NUDCD1: variants seen among roughly 807,000 people sequenced by gnomAD.
NUDCD1 encodes nudC domain-containing protein 1.
NUDCD1 carries 60 observed loss-of-function variants against 67.8 expected under a neutral mutation model. That is an observed-to-expected ratio of 0.88 (90% confidence interval 0.72 to 1.10). The LOEUF is 1.10. Among genes scored for constraint, NUDCD1 ranks in the 50% least tolerant of loss-of-function variants. The pLI, the probability that NUDCD1 is intolerant of heterozygous loss-of-function variation, is 0.00. For synonymous variants in NUDCD1, 244 were observed against 230.8 expected (o/e 1.06, Z -0.52); for missense variants, 643 against 695.0 (o/e 0.93, Z 0.84).
At chr8:109,278,531 C>T (rs1028999499) in intron 6 of NUDCD1, among the ~76,000 whole-genome samples, 3 of 152,172 alleles carry the variant, frequency 2.0e-5, no homozygotes, top group Non-Finnish European at 4.4e-5. Context: ...TTCCACCATA[C>T]AGGCAGTTCC....
intron 8 of NUDCD1, among the ~76,000 whole-genome samples, chr8:109,260,231 AG>A (rs1419174382): frequency 6.6e-6 from 1 of 152,258 alleles, no homozygotes; most frequent in African/African-American, 2.4e-5. Flanking sequence ...ACTCTGTTGT[AG>A]GTTGCCTAGG....
intron 5 of NUDCD1, among the ~76,000 whole-genome samples, chr8:109,284,280 A>T (rs1814524574): frequency 6.6e-6 from 1 of 152,222 alleles, no homozygotes; most frequent in South Asian, 2.1e-4. Flanking sequence ...GAGCACCCTG[A>T]TACATAAAAA....
chr8:109,284,616 CAAG>C (rs1054271297), intron 5 of NUDCD1, among the ~76,000 whole-genome samples: 12 of 151,824 alleles, frequency 7.9e-5, no homozygotes, highest in African/African-American at 1.2e-4. Flanking sequence ...AAATCAATAC[CAAG>C]AAGATCTCTC....
At chr8:109,265,084 A>C (rs952024247) in intron 8 of NUDCD1, among the ~76,000 whole-genome samples, 1 of 152,082 alleles carries the variant, frequency 6.6e-6, no homozygotes, top group Non-Finnish European at 1.5e-5. Context: ...AATACTAATT[A>C]TTCAGTGAAA....
chr8:109,258,954 A>T (rs1386911287), intron 8 of NUDCD1, among the ~76,000 whole-genome samples: 1 of 152,216 alleles, frequency 6.6e-6, no homozygotes, highest in Non-Finnish European at 1.5e-5. Flanking sequence ...ATCCCGAAAG[A>T]AACTAAAATG....
At chr8:109,251,480 C>G (rs1417123612) in intron 8 of NUDCD1, among the ~76,000 whole-genome samples, 2 of 152,052 alleles carry the variant, frequency 1.3e-5, no homozygotes, top group Non-Finnish European at 2.9e-5. Context: ...CAGGTCTCAT[C>G]TATTTCTTAA....
intron 6 of NUDCD1, 104 bp downstream of exon 6, chr8:109,280,864 C>G (rs1814418400): frequency 1.9e-6 from 1 of 529,044 alleles, no homozygotes; most frequent in Middle Eastern, 5.1e-4. Flanking sequence ...ACCAGCAATA[C>G]AGACAGAACT....
At chr8:109,321,942 C>T (rs889018994) in intron 2 of NUDCD1, among the ~76,000 whole-genome samples, 3 of 151,962 alleles carry the variant, frequency 2.0e-5, no homozygotes, top group Non-Finnish European at 2.9e-5. Flanking sequence ...AATGTTTGTA[C>T]CAATTAACAT....
intron 5 of NUDCD1, among the ~76,000 whole-genome samples, chr8:109,288,743 G>C (rs1814629948): frequency 6.6e-6 from 1 of 151,442 alleles, no homozygotes; most frequent in African/African-American, 2.4e-5. Flanking sequence ...AAAACAAAAA[G>C]GTAAAACTAA....
At chr8:109,277,264 G>A (rs1270781178) in intron 6 of NUDCD1, among the ~76,000 whole-genome samples, 1 of 152,054 alleles carries the variant, frequency 6.6e-6, no homozygotes, top group Admixed American at 6.5e-5. Flanking sequence ...CTGCCTCTCT[G>A]AAAAAATATA....
At chr8:109,257,104 C>T (rs942420581) in intron 8 of NUDCD1, among the ~76,000 whole-genome samples, 5 of 152,090 alleles carry the variant, frequency 3.3e-5, no homozygotes, top group Non-Finnish European at 7.4e-5. Context: ...ACAAGAATTC[C>T]TATTCTCATC....
intron 2 of NUDCD1, chr8:109,313,656 A>G: frequency 2.9e-6 from 1 of 348,326 alleles, no homozygotes. Flanking sequence ...AAAGGTTTCT[A>G]GTTGTGTCTA....
chr8:109,268,181 A>T (rs928997341), intron 8 of NUDCD1, among the ~76,000 whole-genome samples: 3 of 152,194 alleles, frequency 2.0e-5, no homozygotes, highest in Non-Finnish European at 4.4e-5. Context: ...ATCCACTGCT[A>T]TAACATTCTA....
In NUDCD1 at chr8:109,322,413, G is replaced by A; in HGVS notation, c.169C>T (p.His57Tyr). The A allele has an allele frequency of 6.2e-7, 1 of 1,606,272 alleles. No individual in the cohort carries two copies. The highest frequency in any genetic ancestry group is 2.2e-5 in the East Asian group (1 of 44,758). ...AGGTAATTATACATTCCAAAAGCAT[G>A]CATGTGTTCCAGTGTATATTGATCA... ...RDDQYTLEHM[H>Y]AFGMYNYLHC... is the part of the protein sequence containing the mutation. The change falls in exon 2 of 10, where the codon CAT (histidine) becomes TAT (tyrosine). Residue 57 changes from histidine (H) to tyrosine (Y), a missense_variant. Physicochemically the swap from His to Tyr is moderately conservative, Grantham distance 83. Coordinates refer to ENST00000239690, the MANE Select transcript of NUDCD1 (RefSeq NM_032869.4).
chr8:109,265,085 T>C (rs1195103377), intron 8 of NUDCD1, among the ~76,000 whole-genome samples: 2 of 151,984 alleles, frequency 1.3e-5, no homozygotes, highest in East Asian at 3.8e-4. Flanking sequence ...ATACTAATTA[T>C]TCAGTGAAAC....
intron 5 of NUDCD1, among the ~76,000 whole-genome samples, chr8:109,287,533 C>T (rs1262105429): frequency 1.3e-5 from 2 of 152,070 alleles, no homozygotes; most frequent in Non-Finnish European, 2.9e-5. Context: ...CAGATTAGTG[C>T]AGGAACAGAA....
At chr8:109,310,249 T>C (rs1239143579) in intron 2 of NUDCD1, among the ~76,000 whole-genome samples, 1 of 152,070 alleles carries the variant, frequency 6.6e-6, no homozygotes, top group Non-Finnish European at 1.5e-5. Context: ...CAAAACAGCA[T>C]GGTTACTGGT....
chr8:109,259,373 T>G (rs1232266609), intron 8 of NUDCD1, among the ~76,000 whole-genome samples: 1 of 152,218 alleles, frequency 6.6e-6, no homozygotes, highest in African/African-American at 2.4e-5. Context: ...AGGAGTTTCA[T>G]GTCTTTTTAC....
At chr8:109,244,413 A>G (rs1478141667) in intron 9 of NUDCD1, among the ~76,000 whole-genome samples, 4 of 152,120 alleles carry the variant, frequency 2.6e-5, no homozygotes, top group African/African-American at 9.7e-5. Context: ...CTTTCTTCTG[A>G]CCAAAGTATA....
Sources: gnomAD v4.1 joint callset for allele counts (sites outside exome capture counted in the v4.1 genomes callset) on GRCh38, gnomAD v4.1.1 for gene constraint, MANE v1.5 for transcripts, NCBI Gene and HGNC (gene_info 2026-07-23, HGNC 2026-07-21) for gene names.